Variants in AUTS2 observed in about 807,000 individuals in gnomAD.
The protein encoded by AUTS2 is autism susceptibility gene 2 protein.
A neutral mutation model predicts 112.4 loss-of-function variants in AUTS2; 17 were observed. That is an observed-to-expected ratio of 0.15 (90% CI 0.10 to 0.23). The LOEUF is 0.23. AUTS2 is among the 10% of genes least tolerant of loss of function. The pLI is 1.00. For missense variants in AUTS2, 1,510 were observed against 1,701.6 expected, an observed-to-expected ratio of 0.89 and a Z score of 1.98; for synonymous variants, 751 against 702.7, an observed-to-expected ratio of 1.07 and a Z score of -1.09.
At chr7:70,460,212 T>C (rs1447844446) in intron 5 of AUTS2, among the ~76,000 whole-genome samples, 1 of 151,846 alleles carries the variant, frequency 6.6e-6, no homozygotes, top group African/African-American at 2.4e-5. Context: ...CTGTGCGAAG[T>C]GCCACAGGAG....
chr7:70,761,766 G>A (rs75842922), intron 6 of AUTS2, among the ~76,000 whole-genome samples: 3,130 of 152,270 alleles, frequency 0.021, 133 homozygotes, highest in African/African-American at 0.069. Context: ...CCATACAGGA[G>A]CAGCTATTTT....
Position 69,725,742 on chromosome 7 carries a change from GAAT to G in AUTS2, c.309+125782_309+125784del, listed in dbSNP as rs897375748. On this transcript the variant is annotated intron_variant, in intron 1 of 18. Transcript: ENST00000342771. Reference sequence around the variant, plus strand: ...AAGGTATGCTGGTAAATTGCACTGAGAATAGTTCCTAGCTGTCCCATATTTCAG... The same window carrying G: ...AAGGTATGCTGGTAAATTGCACTGAGAGTTCCTAGCTGTCCCATATTTCAG... Among the ~76,000 whole-genome samples, 5 of 152,156 alleles carry G rather than the reference GAAT, an allele frequency of 3.3e-5. 1 individual carries two copies. The highest frequency in any genetic ancestry group is 1.2e-4 in the African/African-American group (5 of 41,440).
At chr7:70,195,429 T>G (rs1302454914) in intron 4 of AUTS2, among the ~76,000 whole-genome samples, 1 of 152,138 alleles carries the variant, frequency 6.6e-6, no homozygotes, top group African/African-American at 2.4e-5. Flanking sequence ...GGCATATCCC[T>G]TGAGGTCAGG....
intron 5 of AUTS2, among the ~76,000 whole-genome samples, chr7:70,507,413 G>T (rs1445054138): frequency 1.3e-5 from 2 of 152,014 alleles, no homozygotes; most frequent in Non-Finnish European, 2.9e-5. Flanking sequence ...CCATATCTGA[G>T]GTGCAGATGA....
intron 4 of AUTS2, among the ~76,000 whole-genome samples, chr7:70,252,197 G>C (rs916893412): frequency 6.6e-6 from 1 of 151,980 alleles, no homozygotes; most frequent in Non-Finnish European, 1.5e-5. Flanking sequence ...ATTTTCTGAG[G>C]AACTTTCATA....
chr7:69,691,922 C>T (rs975955859), intron 1 of AUTS2, among the ~76,000 whole-genome samples: 2 of 152,126 alleles, frequency 1.3e-5, no homozygotes, highest in African/African-American at 4.8e-5. Context: ...AAGCCTCCAC[C>T]CATGGATCTG....
intron 6 of AUTS2, among the ~76,000 whole-genome samples, chr7:70,709,989 T>A (rs939814146): frequency 6.6e-6 from 1 of 152,100 alleles, no homozygotes; most frequent in Non-Finnish European, 1.5e-5. Context: ...TGGCTACAAT[T>A]TGAATACCAG....
chr7:70,446,305 T>G (rs1796315714), intron 5 of AUTS2, among the ~76,000 whole-genome samples: 1 of 152,092 alleles, frequency 6.6e-6, no homozygotes, highest in Non-Finnish European at 1.5e-5. Flanking sequence ...AAGGGGAGAA[T>G]ATAGTGTTTA....
intron 1 of AUTS2, among the ~76,000 whole-genome samples, chr7:69,862,993 G>A (rs560264189): frequency 6.6e-6 from 1 of 152,128 alleles, no homozygotes; most frequent in Non-Finnish European, 1.5e-5. Context: ...TTTCCGAGAC[G>A]TTTGGCTCAG....
intron 11 of AUTS2, 24 bp downstream of exon 11, chr7:70,771,668 A>G (rs753115598): frequency 6.2e-7 from 1 of 1,605,172 alleles, no homozygotes; most frequent in South Asian, 1.1e-5. Context: ...CAGTGAAAAC[A>G]CACAGGCATG....
At chr7:70,185,315 G>T (rs1434634145) in intron 4 of AUTS2, among the ~76,000 whole-genome samples, 1 of 128,624 alleles carries the variant, frequency 7.8e-6, no homozygotes, top group Non-Finnish European at 1.5e-5. Context: ...TGTTGCGCTC[G>T]CTAGTGGTCT....
chr7:70,036,068 C>A (rs981084497), intron 2 of AUTS2, among the ~76,000 whole-genome samples: 3 of 152,200 alleles, frequency 2.0e-5, no homozygotes, highest in African/African-American at 7.2e-5. Flanking sequence ...GGATCCCTGG[C>A]AGTTTAAATG....
intron 5 of AUTS2, among the ~76,000 whole-genome samples, chr7:70,668,746 A>T (rs1585474275): frequency 1.3e-5 from 2 of 152,214 alleles, no homozygotes; most frequent in Non-Finnish European, 2.9e-5. Flanking sequence ...GTCTGGGTGA[A>T]CGCATGACAT....
At position 70,221,525 on chromosome 7, in the gene AUTS2, G is replaced by A. The variant is rs573147648; in HGVS notation, c.660+86954G>A. Among the ~76,000 whole-genome samples, 244 of 152,244 alleles carry A rather than the reference G, an allele frequency of 1.6e-3. 2 individuals carry two copies. The highest frequency in any genetic ancestry group is 3.0e-3 in the Non-Finnish European group (206 of 68,010). ...AGTCCTTGCCCCCAGCCTACCCCTG[G>A]AGGAACCACTACTCTAATTTTCTCT... On this transcript the variant is annotated intron_variant, in intron 4 of 18. Transcript: ENST00000342771.
At chr7:70,227,688 C>G (rs543986932) in intron 4 of AUTS2, among the ~76,000 whole-genome samples, 1 of 152,034 alleles carries the variant, frequency 6.6e-6, no homozygotes, top group Non-Finnish European at 1.5e-5. Flanking sequence ...GTGATTCATT[C>G]TCTTAACTCA....
intron 1 of AUTS2, among the ~76,000 whole-genome samples, chr7:69,886,688 G>C (rs977615885): frequency 6.6e-6 from 1 of 151,684 alleles, no homozygotes; most frequent in Non-Finnish European, 1.5e-5. Flanking sequence ...CCTGCCTCTA[G>C]AACAATGCAA....
chr7:70,718,892 T>C (rs1476467590), intron 6 of AUTS2, among the ~76,000 whole-genome samples: 1 of 152,134 alleles, frequency 6.6e-6, no homozygotes, highest in Non-Finnish European at 1.5e-5. Flanking sequence ...TGAAATCGAC[T>C]GTTTCTTCAT....
At chr7:69,671,745 G>A (rs1334044080) in intron 1 of AUTS2, among the ~76,000 whole-genome samples, 1 of 152,148 alleles carries the variant, frequency 6.6e-6, no homozygotes, top group Admixed American at 6.5e-5. Context: ...TTTGGATGAA[G>A]CAGCAGTTTG....
intron 2 of AUTS2, among the ~76,000 whole-genome samples, chr7:69,919,952 A>C (rs1380394342): frequency 1.3e-5 from 2 of 152,082 alleles, no homozygotes; most frequent in Non-Finnish European, 2.9e-5. Context: ...ACTACTGTAG[A>C]TACCAGTGGG....
Sources: gnomAD v4.1 joint callset for allele counts (sites outside exome capture counted in the v4.1 genomes callset) on GRCh38, gnomAD v4.1.1 for gene constraint, MANE v1.5 for transcripts, NCBI Gene and HGNC (gene_info 2026-07-23, HGNC 2026-07-21) for gene names.